Variants in GALNTL6 observed in about 807,000 individuals in gnomAD.
The protein encoded by GALNTL6 is polypeptide N-acetylgalactosaminyltransferase-like 6.
In GALNTL6, 46 loss-of-function variants were observed where a neutral mutation model predicts 73.7. The observed-to-expected ratio is 0.62, with a 90% confidence interval of 0.49 to 0.80. The LOEUF (loss-of-function observed/expected upper bound fraction) is 0.80, where lower values mean the gene tolerates loss of function less well. Ranked by LOEUF, GALNTL6 falls within the 30% of genes least tolerant of loss-of-function variation. The pLI is 0.00. For synonymous variants in GALNTL6, 259 were observed against 263.7 expected (o/e 0.98, Z 0.17); for missense variants, 604 against 755.0 (o/e 0.80, Z 2.34).
chr4:172,969,772 G>T (rs1489832109), intron 10 of GALNTL6, among the ~76,000 whole-genome samples: 1 of 152,186 alleles, frequency 6.6e-6, no homozygotes, highest in Non-Finnish European at 1.5e-5. Context: ...AATCGTCAAT[G>T]CAACAATGTT....
intron 5 of GALNTL6, among the ~76,000 whole-genome samples, chr4:172,759,337 A>C (rs552243962): frequency 6.6e-6 from 1 of 152,318 alleles, no homozygotes; most frequent in South Asian, 2.1e-4. Context: ...GACCATGTTC[A>C]TATTCTGGCC....
At chr4:172,049,607 G>A (rs558606935) in intron 2 of GALNTL6, among the ~76,000 whole-genome samples, 5 of 152,236 alleles carry the variant, frequency 3.3e-5, no homozygotes, top group African/African-American at 4.8e-5. Context: ...TCTATTTTAC[G>A]TGGCTTCTCA....
intron 9 of GALNTL6, among the ~76,000 whole-genome samples, chr4:172,942,995 C>T (rs1010852173): frequency 2.0e-5 from 3 of 152,268 alleles, no homozygotes; most frequent in African/African-American, 7.2e-5. Context: ...TAAAATTATT[C>T]CAGCATACTC....
intron 2 of GALNTL6, among the ~76,000 whole-genome samples, chr4:171,993,071 T>G (rs1360248591): frequency 6.6e-6 from 1 of 151,766 alleles, no homozygotes; most frequent in African/African-American, 2.4e-5. Flanking sequence ...TCTGTTTTCG[T>G]CTCTGCCAAC....
chr4:172,604,035 AC>A (rs1258129864), intron 5 of GALNTL6, among the ~76,000 whole-genome samples: 10 of 152,236 alleles, frequency 6.6e-5, no homozygotes, highest in African/African-American at 2.4e-4. Context: ...CGTTATTAGT[AC>A]TATAAATAGA....
intron 5 of GALNTL6, among the ~76,000 whole-genome samples, chr4:172,427,263 T>C (rs1393409462): frequency 1.3e-5 from 2 of 152,192 alleles, no homozygotes; most frequent in African/African-American, 4.8e-5. Context: ...CTCACAATTA[T>C]GGCAGAAGGT....
intron 5 of GALNTL6, among the ~76,000 whole-genome samples, chr4:172,461,300 C>T (rs1732605974): frequency 1.3e-5 from 2 of 152,130 alleles, no homozygotes; most frequent in African/African-American, 4.8e-5. Flanking sequence ...ACCACCATGG[C>T]ATGTGTGTAC....
chr4:172,864,834 T>C (rs1188106841), intron 7 of GALNTL6, among the ~76,000 whole-genome samples: 1 of 152,236 alleles, frequency 6.6e-6, no homozygotes, highest in East Asian at 1.9e-4. Context: ...ACTATGTTTG[T>C]ATATATGCCT....
intron 3 of GALNTL6, among the ~76,000 whole-genome samples, chr4:172,286,694 C>T (rs28592177): frequency 0.011 from 1,737 of 152,076 alleles, 33 homozygotes; most frequent in African/African-American, 0.037. Flanking sequence ...AGGAAGGCAG[C>T]GATGGTGGTT....
intron 2 of GALNTL6, among the ~76,000 whole-genome samples, chr4:171,931,819 A>G (rs1224089598): frequency 6.6e-6 from 1 of 152,206 alleles, no homozygotes; most frequent in African/African-American, 2.4e-5. Context: ...AAGAATAATT[A>G]TTAAGAATGA....
Position 172,255,334 on chromosome 4 carries a change from T to A in GALNTL6, c.247+25570T>A, listed in dbSNP as rs144221565. On this transcript the variant is annotated intron_variant, in intron 3 of 12. Coordinates refer to ENST00000506823, the MANE Select transcript of GALNTL6 (RefSeq NM_001034845.3). ...CTGTGCTGAGAAGTAGACAGAAAAA[T>A]CATTGGTAGAGCCTGTTCAATTAGT... Among the ~76,000 whole-genome samples the A allele has an allele frequency of 1.2e-3, 82 of 67,220 alleles. No homozygotes were observed. In the East Asian group the frequency reaches 0.018, roughly 15 times the overall value. 44.1% of individuals were successfully genotyped at this position (67,220 alleles called of 152,430 possible). A position where few individuals can be genotyped will look rare whatever the true frequency, so the allele number is the denominator to read the frequency against.
chr4:172,305,560 G>A (rs564292722), intron 3 of GALNTL6, among the ~76,000 whole-genome samples: 6 of 152,064 alleles, frequency 3.9e-5, no homozygotes, highest in African/African-American at 1.4e-4. Flanking sequence ...AATCCTCTGA[G>A]TATTATCATA....
intron 5 of GALNTL6, among the ~76,000 whole-genome samples, chr4:172,659,728 T>C (rs1039447483): frequency 6.6e-6 from 1 of 152,248 alleles, no homozygotes; most frequent in African/African-American, 2.4e-5. Context: ...ATTCTATAAG[T>C]GTTGACTTTA....
chr4:172,889,919 T>A (rs537670111), intron 8 of GALNTL6, among the ~76,000 whole-genome samples: 12 of 152,256 alleles, frequency 7.9e-5, no homozygotes, highest in African/African-American at 2.6e-4. Flanking sequence ...TCATTACTGA[T>A]TAAATATCAG....
chr4:172,579,608 C>T (rs915891064), intron 5 of GALNTL6, among the ~76,000 whole-genome samples: 1 of 152,060 alleles, frequency 6.6e-6, no homozygotes, highest in Admixed American at 6.6e-5. Context: ...TCAAACGATT[C>T]CAAACATGGA....
At chr4:172,531,162 T>C (rs1350488009) in intron 5 of GALNTL6, among the ~76,000 whole-genome samples, 1 of 152,212 alleles carries the variant, frequency 6.6e-6, no homozygotes, top group East Asian at 1.9e-4. Context: ...CAGTGAGAAT[T>C]CTGTTTCTCG....
At chr4:172,993,683 T>C (rs1357298903) in intron 10 of GALNTL6, among the ~76,000 whole-genome samples, 1 of 152,248 alleles carries the variant, frequency 6.6e-6, no homozygotes, top group African/African-American at 2.4e-5. Flanking sequence ...TCTTTTGTTT[T>C]GCTCTGTTAT....
In GALNTL6 at chr4:171,872,220, C is replaced by T. The variant is rs182784564; in HGVS notation, c.138+57502C>T. Among the ~76,000 whole-genome samples the T allele has an allele frequency of 5.8e-3, 878 of 152,282 alleles. 10 individuals are homozygous for T. The highest frequency in any genetic ancestry group is 0.02 in the African/African-American group (820 of 41,566). On this transcript the variant is annotated intron_variant, in intron 2 of 12. Coordinates refer to ENST00000506823, the MANE Select transcript of GALNTL6 (RefSeq NM_001034845.3). ...ATGAGATCATTCATGGCACACCTGA[C>T]AAGACTTTTTCTTGAATCATGCCTG... is the stretch of plus-strand genomic sequence containing the variant.
At chr4:172,518,443 G>C (rs1274662254) in intron 5 of GALNTL6, among the ~76,000 whole-genome samples, 1 of 151,948 alleles carries the variant, frequency 6.6e-6, no homozygotes, top group Non-Finnish European at 1.5e-5. Flanking sequence ...TACTAGAACT[G>C]TTACATATGA....
Sources: gnomAD v4.1 joint callset for allele counts (sites outside exome capture counted in the v4.1 genomes callset) on GRCh38, gnomAD v4.1.1 for gene constraint, MANE v1.5 for transcripts, NCBI Gene and HGNC (gene_info 2026-07-23, HGNC 2026-07-21) for gene names.